CLCN3: variants seen among roughly 807,000 people sequenced by gnomAD.
The protein encoded by CLCN3 is Cl-/H+ antiporter 3.
Under a neutral mutation model 83.4 loss-of-function variants are expected in CLCN3, and 16 were observed. The observed-to-expected ratio is 0.19, with a 90% CI of 0.13 to 0.29. The LOEUF (loss-of-function observed/expected upper bound fraction) is 0.29. Among genes scored for constraint, CLCN3 ranks in the 10% least tolerant of loss-of-function variants. The pLI, the probability that CLCN3 is intolerant of heterozygous loss-of-function variation, is 1.00. For synonymous variants in CLCN3, 322 were observed against 346.2 expected, an observed-to-expected ratio of 0.93 and a Z score of 0.78; for missense variants, 544 against 1,006.0, an observed-to-expected ratio of 0.54 and a Z score of 6.21.
At chr4:169,629,742 CGTTCTACAA>C (rs1319017465) in intron 1 of CLCN3, among the ~76,000 whole-genome samples, 8 of 152,210 alleles carry the variant, frequency 5.3e-5, no homozygotes, top group African/African-American at 1.7e-4. Context: ...CCTCATGACA[CGTTCTACAA>C]TGGCAGACAG....
At chr4:169,632,199 GATCCA>G (rs5864000) in intron 1 of CLCN3, among the ~76,000 whole-genome samples, 69,801 of 151,516 alleles carry the variant, frequency 0.46, 17,897 homozygotes, top group East Asian at 0.76. Flanking sequence ...AAGAGGGTAT[GATCCA>G]GGCAGAGGGA....
intron 3 of CLCN3, chr4:169,680,440 A>G: frequency 2.6e-6 from 1 of 383,090 alleles, no homozygotes; most frequent in Non-Finnish European, 4.6e-6. Context: ...AAAGAAATAC[A>G]ATAAGAAGAC....
At chr4:169,645,066 A>G (rs570568491) in intron 2 of CLCN3, among the ~76,000 whole-genome samples, 8 of 152,328 alleles carry the variant, frequency 5.3e-5, no homozygotes, top group Non-Finnish European at 7.4e-5. Context: ...GTTTTAAGCT[A>G]CTAAGTTTAT....
chr4:169,622,049 G>A (rs1446105130), intron 1 of CLCN3, among the ~76,000 whole-genome samples: 1 of 152,162 alleles, frequency 6.6e-6, no homozygotes, highest in Non-Finnish European at 1.5e-5. Context: ...GGTTAATACA[G>A]ACAGCCACTG....
At chr4:169,704,254 A>G (rs1732905863) in intron 10 of CLCN3, 70 bp downstream of exon 10, 2 of 1,424,664 alleles carry the variant, frequency 1.4e-6, no homozygotes, top group Admixed American at 1.9e-5. Context: ...AGTGGGACAC[A>G]TTCTTGCTTA....
intron 2 of CLCN3, among the ~76,000 whole-genome samples, chr4:169,674,388 T>C (rs549584494): frequency 6.6e-6 from 1 of 152,308 alleles, no homozygotes; most frequent in South Asian, 2.1e-4. Context: ...ATTTTAATAT[T>C]ATATGGAAAG....
chr4:169,678,389 A>G (rs1242490928), intron 2 of CLCN3, among the ~76,000 whole-genome samples: 1 of 152,084 alleles, frequency 6.6e-6, no homozygotes, highest in Non-Finnish European at 1.5e-5. Flanking sequence ...CTCTAATTGC[A>G]ATGATTTCAA....
At chr4:169,635,357 A>G (rs1323949942) in intron 1 of CLCN3, among the ~76,000 whole-genome samples, 1 of 152,182 alleles carries the variant, frequency 6.6e-6, no homozygotes, top group African/African-American at 2.4e-5. Context: ...CAATGAAAAC[A>G]TACCCTTTTT....
At chr4:169,628,817 G>A (rs554533271) in intron 1 of CLCN3, among the ~76,000 whole-genome samples, 159 of 152,290 alleles carry the variant, frequency 1.0e-3, no homozygotes, top group African/African-American at 3.7e-3. Context: ...AAGAAATAAA[G>A]GCTATTCATT....
intron 2 of CLCN3, among the ~76,000 whole-genome samples, chr4:169,646,861 A>C (rs1730587915): frequency 6.6e-6 from 1 of 152,246 alleles, no homozygotes; most frequent in Admixed American, 6.5e-5. Context: ...TCATCTAAAA[A>C]ATGAAGGGAA....
chr4:169,686,374 C>T (rs550242006), intron 3 of CLCN3, among the ~76,000 whole-genome samples: 1 of 149,744 alleles, frequency 6.7e-6, no homozygotes, highest in Admixed American at 6.6e-5. Flanking sequence ...AGCTGTAGCC[C>T]TCCTTCAGAA....
chr4:169,638,127 T>A (rs1210757467), intron 2 of CLCN3, among the ~76,000 whole-genome samples: 1 of 152,208 alleles, frequency 6.6e-6, no homozygotes, highest in African/African-American at 2.4e-5. Context: ...TCCTCTCCCC[T>A]TATTTCTGTT....
intron 12 of CLCN3, among the ~76,000 whole-genome samples, chr4:169,714,280 TTTG>T (rs1184871861): frequency 6.6e-6 from 1 of 150,404 alleles, no homozygotes; most frequent in Non-Finnish European, 1.5e-5. Flanking sequence ...ATAGCAGTTT[TTTG>T]TTGTTTTTTT....
At chr4:169,698,766 G>A (rs776301951) in intron 9 of CLCN3, among the ~76,000 whole-genome samples, 8 of 152,138 alleles carry the variant, frequency 5.3e-5, no homozygotes, top group Non-Finnish European at 1.0e-4. Context: ...AGTCTGAAAC[G>A]GATCTCACTG....
At chr4:169,681,197 G>A (rs1271743455) in intron 3 of CLCN3, among the ~76,000 whole-genome samples, 2 of 152,168 alleles carry the variant, frequency 1.3e-5, no homozygotes, top group Admixed American at 1.3e-4. Flanking sequence ...ATAGGTGTGT[G>A]CCATCATGCC....
intron 2 of CLCN3, among the ~76,000 whole-genome samples, chr4:169,645,459 T>C (rs1470656140): frequency 6.6e-6 from 1 of 152,226 alleles, no homozygotes; most frequent in African/African-American, 2.4e-5. Flanking sequence ...ACTTTCAGTA[T>C]TTTCCAAATT....
Position 169,660,476 on chromosome 4 carries a change from T to G in CLCN3, c.161-19574T>G, listed in dbSNP as rs556703252. On this transcript the variant is annotated intron_variant, in intron 2 of 12. Coordinates refer to ENST00000513761, the MANE Select transcript of CLCN3 (RefSeq NM_001829.4). ...AATACTATCCCCTTGCTGTGAATTC[T>G]CTGTTGGTATGTTTTGCATGCGGCT... 4.4e-5 allele frequency: 57 copies of G among 1,298,922 alleles called. No individual in the cohort carries two copies. The African/African-American group carries it at 7.3e-4, about 17-fold the overall frequency. The allele number at this position is 1,298,922 out of a possible 1,614,324, so 80.5% of individuals were successfully genotyped here.
At chr4:169,706,258 C>A (rs879906472) in intron 10 of CLCN3, among the ~76,000 whole-genome samples, 1 of 152,112 alleles carries the variant, frequency 6.6e-6, no homozygotes, top group Non-Finnish European at 1.5e-5. Flanking sequence ...TGGTCTCAAA[C>A]TCCTTGACTT....
At chr4:169,710,504 G>C (rs995601090) in intron 11 of CLCN3, among the ~76,000 whole-genome samples, 1 of 152,088 alleles carries the variant, frequency 6.6e-6, no homozygotes, top group South Asian at 2.1e-4. Context: ...GGGCTCAAAC[G>C]ATCCACCTGC....
Sources: gnomAD v4.1 joint callset for allele counts (sites outside exome capture counted in the v4.1 genomes callset) on GRCh38, gnomAD v4.1.1 for gene constraint, MANE v1.5 for transcripts, NCBI Gene and HGNC (gene_info 2026-07-23, HGNC 2026-07-21) for gene names.